MAGI2: variants seen among roughly 807,000 people sequenced by gnomAD.
The protein encoded by MAGI2 is membrane-associated guanylate kinase, WW and PDZ domain-containing protein 2.
In MAGI2, 35 loss-of-function variants were observed where a neutral mutation model predicts 133.3. The ratio of observed to expected loss-of-function variants is 0.26; its 90% CI spans 0.20 to 0.35. The LOEUF (loss-of-function observed/expected upper bound fraction) is 0.35. MAGI2 is among the 10% of genes least tolerant of loss of function. MAGI2 has a pLI of 1.00. For synonymous variants in MAGI2, 729 were observed against 710.6 expected, an observed-to-expected ratio of 1.03 and a Z score of -0.41; for missense variants, 1,636 against 1,863.4, an observed-to-expected ratio of 0.88 and a Z score of 2.25.
intron 10 of MAGI2, among the ~76,000 whole-genome samples, chr7:78,218,830 G>GT (rs1421619145): frequency 6.6e-6 from 1 of 152,088 alleles, no homozygotes; most frequent in Non-Finnish European, 1.5e-5. Flanking sequence ...ACTAATCTAG[G>GT]TTTTTTCCTA....
At chr7:78,584,967 G>A (rs1803246323) in intron 3 of MAGI2, among the ~76,000 whole-genome samples, 2 of 152,194 alleles carry the variant, frequency 1.3e-5, no homozygotes, top group African/African-American at 4.8e-5. Context: ...ATATCCAGGT[G>A]AGGCCTAATC....
At chr7:79,239,318 T>G (rs1832193706) in intron 1 of MAGI2, among the ~76,000 whole-genome samples, 1 of 152,204 alleles carries the variant, frequency 6.6e-6, no homozygotes, top group Non-Finnish European at 1.5e-5. Context: ...TCTTTCAAAT[T>G]TTGTTTCTAA....
intron 21 of MAGI2, among the ~76,000 whole-genome samples, chr7:78,076,852 CAAAAAAAAAAAAAAA>C (rs1242148618): frequency 4.7e-5 from 2 of 42,548 alleles, no homozygotes; most frequent in African/African-American, 1.9e-4. Context: ...GACTCCGTCT[CAAAAAAAAAAAAAAA>C]AAAAAAAAAA....
intron 6 of MAGI2, among the ~76,000 whole-genome samples, chr7:78,387,239 G>C (rs17150633): frequency 6.6e-6 from 1 of 152,168 alleles, no homozygotes; most frequent in African/African-American, 2.4e-5. Flanking sequence ...CCTTGATTGG[G>C]GGTAAGATTT....
intron 1 of MAGI2, among the ~76,000 whole-genome samples, chr7:79,009,456 C>T (rs535082812): frequency 6.6e-6 from 1 of 152,168 alleles, no homozygotes; most frequent in South Asian, 2.1e-4. Context: ...ATTTCTCTTT[C>T]CTCCTATTTC....
At chr7:78,884,417 G>A (rs1022254886) in intron 2 of MAGI2, among the ~76,000 whole-genome samples, 5 of 152,126 alleles carry the variant, frequency 3.3e-5, no homozygotes, top group African/African-American at 9.7e-5. Flanking sequence ...CTGGGAGGTC[G>A]AGGCTGCAGT....
At chr7:78,676,969 T>C (rs183924041) in intron 2 of MAGI2, among the ~76,000 whole-genome samples, 4 of 152,284 alleles carry the variant, frequency 2.6e-5, no homozygotes, top group Admixed American at 2.6e-4. Flanking sequence ...AAAGGCCTGT[T>C]AGGCTGTTAT....
At chr7:78,250,589 G>C (rs1792287128) in intron 10 of MAGI2, among the ~76,000 whole-genome samples, 2 of 151,970 alleles carry the variant, frequency 1.3e-5, no homozygotes, top group African/African-American at 2.4e-5. Context: ...AATTTCAAAA[G>C]TTAGTTCTTA....
chr7:78,419,672 T>C (rs1798625678), intron 6 of MAGI2, among the ~76,000 whole-genome samples: 1 of 150,126 alleles, frequency 6.7e-6, no homozygotes, highest in African/African-American at 2.5e-5. Flanking sequence ...TTGCAGAGAA[T>C]CCAAGGCCAC....
intron 10 of MAGI2, among the ~76,000 whole-genome samples, chr7:78,242,433 G>A (rs777477403): frequency 7.9e-5 from 12 of 152,242 alleles, no homozygotes; most frequent in African/African-American, 2.2e-4. Context: ...TTATTAAGTC[G>A]CTAAGACTTC....
chr7:78,904,296 T>C lies in MAGI2; in HGVS notation c.418+102794A>G, dbSNP rs536287826. The C allele has an allele frequency of 5.3e-5, 8 of 152,246 alleles. No homozygotes were observed. In the East Asian group the frequency reaches 1.5e-3, roughly 29 times the overall value. 9.4% of individuals were successfully genotyped at this position (152,246 alleles called of 1,614,324 possible). Reference sequence around the variant, plus strand: ...GAAGAAAATTTCCAAAAATATGGAATATAACATTAGGCTAAGACTTTAAAA... The same window carrying C: ...GAAGAAAATTTCCAAAAATATGGAACATAACATTAGGCTAAGACTTTAAAA... On this transcript the variant is annotated intron_variant, in intron 2 of 21. Transcript: ENST00000354212.
At chr7:78,655,017 TGAG>T (rs1419785528) in intron 2 of MAGI2, among the ~76,000 whole-genome samples, 1 of 151,796 alleles carries the variant, frequency 6.6e-6, no homozygotes, top group Non-Finnish European at 1.5e-5. Flanking sequence ...GATAAATGCT[TGAG>T]GTGATAGAAA....
chr7:79,364,739 CTGATG>C (rs1460491415), intron 1 of MAGI2, among the ~76,000 whole-genome samples: 1 of 151,902 alleles, frequency 6.6e-6, no homozygotes, highest in Non-Finnish European at 1.5e-5. Flanking sequence ...GGCAAAAAAA[CTGATG>C]TGAACTTTAT....
intron 2 of MAGI2, among the ~76,000 whole-genome samples, chr7:78,991,169 G>A (rs1441525035): frequency 6.6e-6 from 1 of 151,874 alleles, no homozygotes; most frequent in African/African-American, 2.4e-5. Context: ...GAAGGTGCCT[G>A]CTTCTCCTTT....
chr7:78,159,579 G>T (rs557498004), intron 16 of MAGI2, among the ~76,000 whole-genome samples: 1 of 152,204 alleles, frequency 6.6e-6, no homozygotes, highest in African/African-American at 2.4e-5. Context: ...GCCAAGCTTG[G>T]CGTCCACCTT....
At chr7:78,575,976 C>G (rs530370269) in intron 3 of MAGI2, among the ~76,000 whole-genome samples, 3 of 152,176 alleles carry the variant, frequency 2.0e-5, no homozygotes, top group East Asian at 3.9e-4. Flanking sequence ...CACACTAATG[C>G]AAGATAACAG....
intron 1 of MAGI2, among the ~76,000 whole-genome samples, chr7:79,318,274 A>G (rs982294132): frequency 6.6e-6 from 1 of 152,070 alleles, no homozygotes; most frequent in African/African-American, 2.4e-5. Flanking sequence ...AACACACACC[A>G]CTTCATATTA....
chr7:78,600,357 A>C (rs1467424085), intron 3 of MAGI2, among the ~76,000 whole-genome samples: 1 of 152,174 alleles, frequency 6.6e-6, no homozygotes, highest in African/African-American at 2.4e-5. Flanking sequence ...AAAAATAAAA[A>C]GCTGAAATCT....
Position 78,256,366 on chromosome 7 carries a change from G to A in MAGI2, c.1624C>T (p.His542Tyr). The change falls in exon 10 of 22, where the codon CAC (histidine) becomes TAC (tyrosine). Residue 542 changes from histidine (H) to tyrosine (Y), a missense_variant. Around this residue, in one of 5 missense-constraint regions of MAGI2, gnomAD observed 920 missense variants for 1,093.5 expected, o/e 0.84. Transcript: ENST00000354212. The stretch of plus-strand genomic sequence containing the variant: ...TACTCCAAATATGTTTCATAGTTGT[G>A]TCTTCCATTGACCATCACTGGAGGT... ...RPPPVMVNGRHNYETYLEYIS... is the reference protein window; with the variant it reads ...RPPPVMVNGRYNYETYLEYIS... 6.2e-7 allele frequency: 1 copy of A among 1,614,040 alleles called. No homozygotes were observed. Among genetic ancestry groups the A allele is most frequent in the Non-Finnish European group, 8.5e-7 (1 of 1,179,994 alleles).
Sources: allele counts gnomAD v4.1 joint callset (sites outside exome capture counted in the v4.1 genomes callset), GRCh38; gene constraint gnomAD v4.1.1; regional missense constraint gnomAD v4.1.1; transcripts MANE v1.5; gene names NCBI Gene and HGNC (gene_info 2026-07-23, HGNC 2026-07-21).